The following FRYL variants were observed in gnomAD, a reference collection of about 807,000 sequenced individuals.
FRYL encodes protein furry homolog-like.
FRYL carries 150 observed loss-of-function variants against 351.2 expected under a neutral mutation model. The ratio of observed to expected loss-of-function variants is 0.43; its 90% CI spans 0.37 to 0.49. The LOEUF (loss-of-function observed/expected upper bound fraction) is 0.49. Ranked by LOEUF, FRYL falls within the 20% of genes least tolerant of loss-of-function variation. The pLI is 0.00. For synonymous variants in FRYL, 1,153 were observed against 1,257.1 expected (o/e 0.92, Z 1.75); for missense variants, 3,036 against 3,619.3 (o/e 0.84, Z 4.13).
chr4:48,729,780 G>T (rs1340398571), intron 1 of FRYL, among the ~76,000 whole-genome samples: 3 of 152,116 alleles, frequency 2.0e-5, no homozygotes, highest in Non-Finnish European at 4.4e-5. Flanking sequence ...CACAAAGATG[G>T]AGAGAAGCCA....
At chr4:48,706,339 A>G (rs1016657981) in intron 2 of FRYL, among the ~76,000 whole-genome samples, 10 of 152,220 alleles carry the variant, frequency 6.6e-5, no homozygotes, top group Admixed American at 3.9e-4. Context: ...AACACGTACT[A>G]TAACATGAAT....
At chr4:48,694,858 G>A (rs1766005513) in intron 2 of FRYL, among the ~76,000 whole-genome samples, 1 of 152,142 alleles carries the variant, frequency 6.6e-6, no homozygotes, top group South Asian at 2.1e-4. Flanking sequence ...GATCACTTGA[G>A]CTCAGGAATC....
chr4:48,589,655 A>C (rs1742850168), intron 18 of FRYL, 90 bp downstream of exon 18: 1 of 1,241,392 alleles, frequency 8.1e-7, no homozygotes, highest in Non-Finnish European at 1.1e-6. Flanking sequence ...AGAACTCCAA[A>C]GACCAAGTAA....
rs550572393 is a variant in FRYL at position 48,715,353 on chromosome 4, C to T, written c.-383-4655G>A. ...AAATTGTCCCTGTTTGCAGATGACA[C>T]GATTGTATATCTAGAAAACCCCATC... is the stretch of plus-strand genomic sequence containing the variant. On this transcript the variant is annotated intron_variant, in intron 1 of 63. Coordinates refer to ENST00000358350, the MANE Select transcript of FRYL (RefSeq NM_015030.2). 6.2e-4 allele frequency among the ~76,000 whole-genome samples: 95 copies of T among 152,092 alleles called. 1 individual carries two copies. Among genetic ancestry groups the T allele is most frequent in the Admixed American group, 1.8e-3 (27 of 15,272 alleles).
intron 1 of FRYL, among the ~76,000 whole-genome samples, chr4:48,763,963 G>A (rs187753527): frequency 0.013 from 1,935 of 152,164 alleles, 16 homozygotes; most frequent in Non-Finnish European, 0.021. Flanking sequence ...GAGGTGAGGC[G>A]TTCCAGATCA....
intron 1 of FRYL, among the ~76,000 whole-genome samples, chr4:48,717,285 C>CAAAA (rs1449607778): frequency 6.6e-6 from 1 of 150,420 alleles, no homozygotes; most frequent in Non-Finnish European, 1.5e-5. Flanking sequence ...TAAAAAAAAA[C>CAAAA]AAAAAAACAT....
intron 16 of FRYL, among the ~76,000 whole-genome samples, chr4:48,593,447 C>T (rs1047040844): frequency 7.9e-5 from 12 of 151,986 alleles, no homozygotes; most frequent in South Asian, 2.1e-4. Context: ...CAGGTTCAAG[C>T]GATTCTCCTG....
intron 54 of FRYL, among the ~76,000 whole-genome samples, chr4:48,522,243 T>C (rs1266626900): frequency 2.6e-5 from 4 of 152,198 alleles, no homozygotes; most frequent in Non-Finnish European, 5.9e-5. Context: ...GTTGTGCCAC[T>C]GCACTCCAGC....
chr4:48,653,267 G>T (rs1250218836), intron 3 of FRYL, among the ~76,000 whole-genome samples: 4 of 152,168 alleles, frequency 2.6e-5, no homozygotes, highest in Non-Finnish European at 5.9e-5. Context: ...ATGAGGGAAA[G>T]CTATTATCAT....
chr4:48,618,452 C>G (rs971044969), intron 7 of FRYL: 5 of 152,082 alleles, frequency 3.3e-5, no homozygotes, highest in Admixed American at 3.3e-4. Flanking sequence ...ACAAAACTCC[C>G]TGTCCAAATG....
chr4:48,677,480 G>A (rs570343557), intron 3 of FRYL, among the ~76,000 whole-genome samples: 2 of 151,558 alleles, frequency 1.3e-5, no homozygotes, highest in African/African-American at 4.8e-5. Flanking sequence ...GTGCGATCTC[G>A]GCTCACTGCA....
rs777861258 is a variant in FRYL at position 48,512,489 on chromosome 4, G to A, written c.8137C>T (p.Leu2713=). The change falls in exon 57 of 64, where the codon CTG becomes TTG. Residue 2713 remains leucine, a synonymous_variant. Transcript: ENST00000358350. ...CCCTGAACCTCACTGACCTGAAACA[G>A]CCTAGAAAACACATGAAAAGTAAAC... ...AVFTFHVFSR[L]FQTIQRKFGE... 3 of 1,611,998 alleles carry A rather than the reference G, an allele frequency of 1.9e-6. No individual in the cohort carries two copies. The highest frequency in any genetic ancestry group is 4.5e-5 in the East Asian group (2 of 44,852).
At chr4:48,578,528 C>T (rs1394588304) in intron 23 of FRYL, among the ~76,000 whole-genome samples, 1 of 152,208 alleles carries the variant, frequency 6.6e-6, no homozygotes, top group Non-Finnish European at 1.5e-5. Context: ...CCTCAAATCT[C>T]CTACTCAGTG....
chr4:48,764,781 C>T (rs1322583162), intron 1 of FRYL, among the ~76,000 whole-genome samples: 1 of 152,176 alleles, frequency 6.6e-6, no homozygotes, highest in African/African-American at 2.4e-5. Context: ...CTACTCAAAG[C>T]AATTTATAGA....
chr4:48,528,420 AT>A, intron 50 of FRYL, 84 bp from the exon 51 acceptor site: 2 of 974,524 alleles, frequency 2.1e-6, no homozygotes, highest in Non-Finnish European at 2.8e-6. Context: ...CACCTATAAT[AT>A]TTTTTACAAA....
chr4:48,717,073 G>A (rs1233670072), intron 1 of FRYL, among the ~76,000 whole-genome samples: 1 of 137,924 alleles, frequency 7.3e-6, no homozygotes, highest in Admixed American at 8.2e-5. Flanking sequence ...ATTGAACAAC[G>A]AGAACATATG....
intron 1 of FRYL, among the ~76,000 whole-genome samples, chr4:48,763,772 A>G (rs543393800): frequency 6.6e-6 from 1 of 152,350 alleles, no homozygotes; most frequent in South Asian, 2.1e-4. Context: ...GACATGTACT[A>G]GAAGTCCATA....
intron 59 of FRYL, chr4:48,506,633 T>C (rs1291003951): frequency 2.2e-5 from 1 of 45,762 alleles, no homozygotes; most frequent in African/African-American, 5.3e-5. Flanking sequence ...TATATATATA[T>C]ATATATATAT....
chr4:48,580,817 T>C (rs1228602122), intron 22 of FRYL, 48 bp downstream of exon 22: 1 of 1,179,080 alleles, frequency 8.5e-7, no homozygotes, highest in Non-Finnish European at 1.3e-6. Flanking sequence ...TATGTGTCTG[T>C]CATAAGTCTC....
Sources: allele counts gnomAD v4.1 joint callset (sites outside exome capture counted in the v4.1 genomes callset), GRCh38; gene constraint gnomAD v4.1.1; transcripts MANE v1.5; gene names NCBI Gene and HGNC (gene_info 2026-07-23, HGNC 2026-07-21).